Variants in RBFOX1 observed in about 807,000 individuals in gnomAD.
RBFOX1 encodes RNA binding protein fox-1 homolog 1.
A neutral mutation model predicts 57.7 loss-of-function variants in RBFOX1; 8 were observed. The ratio of observed to expected loss-of-function variants is 0.14; its 90% CI spans 0.08 to 0.25. RBFOX1 has a LOEUF of 0.25. RBFOX1 is among the 10% of genes least tolerant of loss of function. The pLI, the probability that RBFOX1 is intolerant of heterozygous loss-of-function variation, is 1.00. For synonymous variants in RBFOX1, 326 were observed against 222.4 expected, an observed-to-expected ratio of 1.47 and a Z score of -4.15; for missense variants, 611 against 548.5, an observed-to-expected ratio of 1.11 and a Z score of -1.14.
chr16:6,742,803 G>C (rs996865682), intron 3 of RBFOX1, among the ~76,000 whole-genome samples: 29 of 152,068 alleles, frequency 1.9e-4, no homozygotes, highest in African/African-American at 7.0e-4. Flanking sequence ...TAAAGATTTG[G>C]ACATAGTTGC....
intron 1 of RBFOX1, among the ~76,000 whole-genome samples, chr16:5,303,499 G>A (rs958275604): frequency 3.3e-5 from 5 of 152,128 alleles, no homozygotes; most frequent in Admixed American, 1.3e-4. Context: ...TTGTTAGGAG[G>A]CAGGGAACAT....
chr16:6,243,744 C>G (rs543517495), intron 1 of RBFOX1, among the ~76,000 whole-genome samples: 1 of 152,140 alleles, frequency 6.6e-6, no homozygotes, highest in Non-Finnish European at 1.5e-5. Context: ...TCAGAAATTG[C>G]TGGGGGCCCT....
chr16:6,465,798 A>C (rs2095035317), intron 2 of RBFOX1, among the ~76,000 whole-genome samples: 1 of 151,452 alleles, frequency 6.6e-6, no homozygotes, highest in African/African-American at 2.4e-5. Context: ...GGACAAAAGA[A>C]ATGCTAACTG....
intron 3 of RBFOX1, among the ~76,000 whole-genome samples, chr16:6,805,502 T>C (rs2086541934): frequency 6.6e-6 from 1 of 152,178 alleles, no homozygotes; most frequent in South Asian, 2.1e-4. Context: ...TTTACCTATG[T>C]AATGAACCTG....
chr16:6,870,646 C>T (rs1021569330), intron 3 of RBFOX1, among the ~76,000 whole-genome samples: 14 of 152,116 alleles, frequency 9.2e-5, no homozygotes, highest in South Asian at 2.1e-4. Context: ...AGAAACAAAA[C>T]AAACGATGAT....
chr16:6,021,944 C>T (rs746620415), intron 1 of RBFOX1, among the ~76,000 whole-genome samples: 4 of 152,156 alleles, frequency 2.6e-5, no homozygotes, highest in Non-Finnish European at 5.9e-5. Context: ...AAGTAGATTC[C>T]TCTAATTTTT....
chr16:7,680,838 G>A (rs188154201), intron 14 of RBFOX1, among the ~76,000 whole-genome samples: 262 of 152,044 alleles, frequency 1.7e-3, no homozygotes, highest in Middle Eastern at 6.8e-3. Flanking sequence ...TAAATGTTAC[G>A]TAGCTCAACT....
chr16:7,312,436 G>C (rs991842544), intron 4 of RBFOX1, among the ~76,000 whole-genome samples: 5 of 152,152 alleles, frequency 3.3e-5, no homozygotes, highest in African/African-American at 1.2e-4. Flanking sequence ...AAGAAACGTA[G>C]GATTTGTTTA....
At chr16:6,710,480 G>T (rs550182003) in intron 3 of RBFOX1, among the ~76,000 whole-genome samples, 73 of 152,252 alleles carry the variant, frequency 4.8e-4, no homozygotes, top group African/African-American at 1.7e-3. Context: ...CATGCTGACA[G>T]TGCACCTCCA....
At chr16:6,487,721 A>G (rs2095534324) in intron 2 of RBFOX1, among the ~76,000 whole-genome samples, 5 of 22,088 alleles carry the variant, frequency 2.3e-4, no homozygotes, top group African/African-American at 5.0e-4. Flanking sequence ...ATATATATAT[A>G]TATATATATA....
At chr16:6,161,484 C>A (rs377679737) in intron 1 of RBFOX1, among the ~76,000 whole-genome samples, 1 of 152,058 alleles carries the variant, frequency 6.6e-6, no homozygotes, top group Non-Finnish European at 1.5e-5. Context: ...CAAAATAGCC[C>A]ACACAAGGGA....
chr16:5,258,445 A>C (rs1467191189), intron 1 of RBFOX1, among the ~76,000 whole-genome samples: 1 of 152,202 alleles, frequency 6.6e-6, no homozygotes, highest in Non-Finnish European at 1.5e-5. Context: ...TACCTAATCA[A>C]ATTACCAGTA....
intron 5 of RBFOX1, among the ~76,000 whole-genome samples, chr16:7,570,202 A>C (rs2092632019): frequency 6.6e-6 from 1 of 151,064 alleles, no homozygotes; most frequent in African/African-American, 2.4e-5. Context: ...TAAGAATTCT[A>C]AAATGACGTA....
intron 4 of RBFOX1, among the ~76,000 whole-genome samples, chr16:7,164,965 C>T (rs1258748237): frequency 2.6e-5 from 4 of 152,160 alleles, no homozygotes; most frequent in Non-Finnish European, 5.9e-5. Context: ...CAGCGTGTAT[C>T]ACAGTAACCT....
chr16:5,546,619 C>T lies in RBFOX1; in HGVS notation c.259-52283C>T, dbSNP rs80333731. On this transcript the variant is annotated intron_variant, in intron 2 of 2. Coordinates refer to the RBFOX1 transcript ENST00000585867. ...ATACAAAAATTAACTGAAAATGCATCATACATTCAGATATACAACCTAAAT... is the reference window on the plus strand; with the variant it reads ...ATACAAAAATTAACTGAAAATGCATTATACATTCAGATATACAACCTAAAT... Among the ~76,000 whole-genome samples the T allele has an allele frequency of 2.9e-3, 441 of 152,282 alleles. 4 individuals are homozygous for T. Among genetic ancestry groups the T allele is most frequent in the African/African-American group, 9.6e-3 (399 of 41,560 alleles).
chr16:7,545,143 A>C (rs965259330), intron 5 of RBFOX1, among the ~76,000 whole-genome samples: 4 of 152,170 alleles, frequency 2.6e-5, no homozygotes, highest in Non-Finnish European at 4.4e-5. Flanking sequence ...TGCCTTGCTG[A>C]GCATCAAGGT....
chr16:6,761,070 A>G (rs1363258973), intron 3 of RBFOX1, among the ~76,000 whole-genome samples: 6 of 152,220 alleles, frequency 3.9e-5, no homozygotes, highest in African/African-American at 1.4e-4. Context: ...TAAATTACCT[A>G]TTGATTAGTA....
upstream of RBFOX1, among the ~76,000 whole-genome samples, chr16:6,018,126 A>C (rs2095008845): frequency 6.7e-6 from 1 of 149,950 alleles, no homozygotes; most frequent in Non-Finnish European, 1.5e-5. Flanking sequence ...TTGTACAACA[A>C]AACCCCCTGG....
intron 4 of RBFOX1, among the ~76,000 whole-genome samples, chr16:7,239,838 C>G (rs756218461): frequency 1.3e-5 from 2 of 152,072 alleles, no homozygotes; most frequent in Admixed American, 1.3e-4. Context: ...ATTCATTTTT[C>G]TACTTGAAAC....
Sources: allele counts gnomAD v4.1 joint callset (sites outside exome capture counted in the v4.1 genomes callset), GRCh38; gene constraint gnomAD v4.1.1; transcripts MANE v1.5; gene names NCBI Gene and HGNC (gene_info 2026-07-23, HGNC 2026-07-21).